The following EVPL variants were observed in gnomAD, a reference collection of about 807,000 sequenced individuals.
EVPL encodes envoplakin.
EVPL carries 94 observed loss-of-function variants against 129.7 expected under a neutral mutation model. The observed-to-expected ratio is 0.72, with a 90% CI of 0.61 to 0.86. The LOEUF (loss-of-function observed/expected upper bound fraction) is 0.86, where lower values mean the gene tolerates loss of function less well. Ranked by LOEUF, EVPL falls within the 40% of genes least tolerant of loss-of-function variation. The pLI, the probability that EVPL is intolerant of heterozygous loss-of-function variation, is 0.00. For missense variants in EVPL, 2,625 were observed against 2,721.1 expected (o/e 0.96, Z 0.79); for synonymous variants, 1,172 against 1,191.1 (o/e 0.98, Z 0.33).
rs2066352481 is a variant in EVPL at position 76,009,236 on chromosome 17, G to A, written c.3969C>T (p.Asp1323=). 6.2e-7 allele frequency: 1 copy of A among 1,607,964 alleles called. No individual in the cohort carries two copies. The change falls in exon 22 of 22, where the codon GAC becomes GAT. Residue 1323 remains aspartate (D), a synonymous_variant. Transcript: ENST00000301607. The surrounding 1 kb of genome is among the most constrained non-coding windows in gnomAD (Gnocchi z 5.9). ...VSKEVVRHEK[D]PVLEKEAERL... ...GCTCTGCTTCTTTCTCCAGCACCGG[G>A]TCCTTCTCGTGGCGCACCACCTCCT...
At chr17:76,014,176 G>C (rs1349919409) in intron 18 of EVPL, among the ~76,000 whole-genome samples, 1 of 152,234 alleles carries the variant, frequency 6.6e-6, no homozygotes, top group Non-Finnish European at 1.5e-5. Context: ...GCAGGGGCTT[G>C]ATGAGCATGA....
Position 76,022,550 on chromosome 17 carries a change from C to T in EVPL, c.481-12G>A, listed in dbSNP as rs1202295414. 10 of 1,595,546 alleles carry T rather than the reference C, an allele frequency of 6.3e-6. No individual in the cohort carries two copies. The highest frequency in any genetic ancestry group is 8.5e-6 in the Non-Finnish European group (10 of 1,172,250). On this transcript the variant is annotated splice_polypyrimidine_tract_variant and intron_variant, in intron 4 of 21. Coordinates refer to ENST00000301607, the MANE Select transcript of EVPL (RefSeq NM_001988.4). This position sits in a 1 kb window ranked among gnomAD's most constrained non-coding sequence, Gnocchi z 5.6. ...GCGCAGACCTGCTTCTGCAGGAGAG[C>T]CGGCGGCTCAGTCCCCAAAGGACCG...
chr17:76,007,914 T>C lies in EVPL; in HGVS notation c.5291A>G (p.His1764Arg), dbSNP rs2066334265. The change falls in exon 22 of 22, where the codon CAT becomes CGT. Residue 1764 changes from histidine to arginine, a missense_variant. Coordinates refer to ENST00000301607, the MANE Select transcript of EVPL (RefSeq NM_001988.4). The surrounding 1 kb of genome is among the most constrained non-coding windows in gnomAD (Gnocchi z 8.8). ...RCRRISKEEYHLYKDGHLPIS... is the reference protein window; with the variant it reads ...RCRRISKEEYRLYKDGHLPIS... ...GGGCAGGTGGCCGTCCTTGTACAGA[T>C]GGTACTCCTCCTTAGAGATGCGCCG... is the stretch of plus-strand genomic sequence containing the variant. The C allele has an allele frequency of 6.2e-7, 1 of 1,614,098 alleles. No individual in the cohort carries two copies. The highest frequency in any genetic ancestry group is 8.5e-7 in the Non-Finnish European group (1 of 1,180,020).
rs2665971 is a variant in EVPL, at chr17:76,013,957, T to C, written c.2373+469A>G. On this transcript the variant is annotated intron_variant, in intron 18 of 21. Transcript: ENST00000301607. The surrounding 1 kb of genome is among the most constrained non-coding windows in gnomAD (Gnocchi z 4.3). ...CCTCCTTTCCCCTGACTGCCATGCC[T>C]TCTGCATGGGACATTTCATCCCTCC... 0.59 allele frequency among the ~76,000 whole-genome samples: 88,936 copies of C among 151,666 alleles called. 26,345 individuals are homozygous for C. Among genetic ancestry groups the C allele is most frequent in the South Asian group, 0.69 (3,323 of 4,800 alleles).
In EVPL at chr17:76,009,490, CCAGGTCGGG is replaced by C; in HGVS notation, c.3706_3714del (p.Pro1236_Leu1238del). On this transcript the variant is annotated inframe_deletion, in exon 22 of 22. Transcript: ENST00000301607. This position sits in a 1 kb window ranked among gnomAD's most constrained non-coding sequence, Gnocchi z 5.9. ...GTGGGCTTCTGGGCCCGCAGGACCT[CCAGGTCGGG>C]CAGCAGCTTCTCCACCTCCTTCTCC... 1 of 1,614,154 alleles carries C rather than the reference CCAGGTCGGG, an allele frequency of 6.2e-7. No individual in the cohort carries two copies. Among genetic ancestry groups the C allele is most frequent in the Non-Finnish European group, 8.5e-7 (1 of 1,180,040 alleles).
Position 76,009,233 on chromosome 17 carries a change from C to G in EVPL, c.3972G>C (p.Pro1324=). Residue 1324 remains proline, a synonymous_variant, in exon 22 of 22, where the codon CCG becomes CCC. Coordinates refer to ENST00000301607, the MANE Select transcript of EVPL (RefSeq NM_001988.4). This position sits in a 1 kb window ranked among gnomAD's most constrained non-coding sequence, Gnocchi z 5.9. The stretch of plus-strand genomic sequence containing the variant: ...GCCGCTCTGCTTCTTTCTCCAGCAC[C>G]GGGTCCTTCTCGTGGCGCACCACCT... The part of the protein sequence containing the change: ...SKEVVRHEKD[P]VLEKEAERLR... 6.2e-7 allele frequency: 1 copy of G among 1,608,298 alleles called. No homozygotes were observed. Among genetic ancestry groups the G allele is most frequent in the East Asian group, 2.2e-5 (1 of 44,864 alleles).
At position 76,017,919 on chromosome 17, in the gene EVPL, C is replaced by T; in HGVS notation, c.1538-8G>A. On this transcript the variant is annotated splice_polypyrimidine_tract_variant and splice_region_variant and intron_variant, in intron 13 of 21. Transcript: ENST00000301607. ...GGTCTGAGCCAGATGGAGCTGGGGG[C>T]AGAGGTGCTGGTGAGGGCCCAGGGC... 2 of 1,613,702 alleles carry T rather than the reference C, an allele frequency of 1.2e-6. No individual in the cohort carries two copies. The highest frequency in any genetic ancestry group is 2.2e-5 in the South Asian group (2 of 91,068).
rs1231088210 is a variant in EVPL, at chr17:76,007,800, G to A, written c.5405C>T (p.Ala1802Val). 2.5e-6 allele frequency: 4 copies of A among 1,611,436 alleles called. No individual in the cohort carries two copies. Among genetic ancestry groups the A allele is most frequent in the Non-Finnish European group, 2.5e-6 (3 of 1,177,970 alleles). ...IGSIISKSPL[A>V]SPAPQSTSFF... ...ACTGGTGCTCTGGGGGGCCGGGGAG[G>A]CGAGCGGGGACTTGGAGATGATAGA... The change falls in exon 22 of 22, where the codon GCC (alanine) becomes GTC (valine). Residue 1802 changes from alanine (A) to valine (V), a missense_variant. This residue lies in a region of EVPL where 1,453 missense variants were observed against 1,511.8 expected (regional missense o/e 0.96). Coordinates refer to ENST00000301607, the MANE Select transcript of EVPL (RefSeq NM_001988.4). The surrounding 1 kb of genome is among the most constrained non-coding windows in gnomAD (Gnocchi z 8.8).
chr17:76,017,597 C>T, intron 14 of EVPL, 142 bp downstream of exon 14: 1 of 1,204,720 alleles, frequency 8.3e-7, no homozygotes, highest in Non-Finnish European at 1.1e-6. Flanking sequence ...GGGGAACCAG[C>T]TTGTCTGAGC....
rs149246710 is a variant in EVPL at position 76,015,457 on chromosome 17, C to T, written c.1882G>A (p.Gly628Arg). The T allele has an allele frequency of 6.2e-6, 10 of 1,612,658 alleles. No individual in the cohort carries two copies. In the African/African-American group the frequency reaches 6.7e-5, roughly 11 times the overall value. Residue 628 changes from glycine to arginine, a missense_variant, in exon 15 of 22, where the codon GGG (glycine) becomes AGG (arginine). Coordinates refer to ENST00000301607, the MANE Select transcript of EVPL (RefSeq NM_001988.4). ...SDVQVLCSLY[G>R]EKAKAALDLE... is the part of the protein sequence containing the mutation. ...TGTCCCCAGAGCACTCACTTCTCCC[C>T]GTAGAGGCTGCACAGAACCTGCACG...
chr17:76,007,426 G>A lies in EVPL; in HGVS notation c.5779C>T (p.Pro1927Ser), dbSNP rs1006916629. 1.2e-6 allele frequency: 2 copies of A among 1,605,654 alleles called. No individual in the cohort carries two copies. The highest frequency in any genetic ancestry group is 1.7e-6 in the Non-Finnish European group (2 of 1,175,708). The change falls in exon 22 of 22, where the codon CCC becomes TCC. Residue 1927 changes from proline to serine, a missense_variant. Transcript: ENST00000301607. This position sits in a 1 kb window ranked among gnomAD's most constrained non-coding sequence, Gnocchi z 8.8. ...AGGTGTGGGAGCACGCTCTCCCGGG[G>A]CATCCAGCCCTTCTGGACGGCCTCG... ...VGEAVQKGWM[P>S]RESVLPHLQV...
At position 76,008,479 on chromosome 17, in the gene EVPL, G is replaced by A. The variant is rs750859177; in HGVS notation, c.4726C>T (p.Arg1576Trp). ...RAETLGRTWS[R>W]EESELQRARD... ...GCCCTCTGCAGCTCGGACTCCTCCC[G>A]GGACCAGGTTCTCCCCAGCGTCTCG... The change falls in exon 22 of 22, where the codon CGG (arginine) becomes TGG (tryptophan). Residue 1576 changes from arginine (R) to tryptophan (W), a missense_variant. Around this residue, in one of 4 missense-constraint regions of EVPL, gnomAD observed 1,453 missense variants for 1,511.8 expected, o/e 0.96. Coordinates refer to ENST00000301607, the MANE Select transcript of EVPL (RefSeq NM_001988.4). The surrounding 1 kb of genome is among the most constrained non-coding windows in gnomAD (Gnocchi z 7.4). The A allele has an allele frequency of 3.0e-5, 48 of 1,598,076 alleles. No homozygotes were observed. The highest frequency in any genetic ancestry group is 1.4e-4 in the East Asian group (6 of 44,364).
At chr17:76,023,923 C>G (rs1157695008) in intron 2 of EVPL, 98 bp downstream of exon 2, 2 of 1,457,072 alleles carry the variant, frequency 1.4e-6, no homozygotes, top group African/African-American at 2.8e-5. Context: ...CCCATCTTCA[C>G]CATCACCAAG....
Position 76,017,734 on chromosome 17 carries a change from C to A in EVPL, c.1710+5G>T. ...CCCAGCCGCCCCTTCCCGCTGCTCA[C>A]CCACCTCATGGCTGTGGATGCGGCC... On this transcript the variant is annotated splice_donor_5th_base_variant and intron_variant, in intron 14 of 21. Transcript: ENST00000301607. 6.2e-7 allele frequency: 1 copy of A among 1,609,268 alleles called. No homozygotes were observed. Among genetic ancestry groups the A allele is most frequent in the Non-Finnish European group, 8.5e-7 (1 of 1,178,040 alleles).
chr17:76,010,860 A>C (rs1000885310), intron 21 of EVPL, among the ~76,000 whole-genome samples: 2 of 152,178 alleles, frequency 1.3e-5, no homozygotes, highest in Non-Finnish European at 2.9e-5. Context: ...CAGGAGTTCG[A>C]GACCAGCCTG....
Position 76,017,735 on chromosome 17 carries a change from C to A in EVPL, c.1710+4G>T. The stretch of plus-strand genomic sequence containing the variant: ...CCAGCCGCCCCTTCCCGCTGCTCAC[C>A]CACCTCATGGCTGTGGATGCGGCCC... On this transcript the variant is annotated splice_donor_region_variant and intron_variant, in intron 14 of 21. Transcript: ENST00000301607. The A allele has an allele frequency of 2.5e-6, 4 of 1,609,520 alleles. No homozygotes were observed. Among genetic ancestry groups the A allele is most frequent in the Non-Finnish European group, 2.5e-6 (3 of 1,178,212 alleles).
chr17:76,024,124 G>A lies in EVPL; in HGVS notation c.99-4C>T. ...GGCCAGCTCCTGGGTGGCAGCCCTAGTGTGTGGAGGGGACAGCGGGTAGCT... is the reference window on the plus strand; with the variant it reads ...GGCCAGCTCCTGGGTGGCAGCCCTAATGTGTGGAGGGGACAGCGGGTAGCT... On this transcript the variant is annotated splice_region_variant and splice_polypyrimidine_tract_variant and intron_variant, in intron 1 of 21. Coordinates refer to ENST00000301607, the MANE Select transcript of EVPL (RefSeq NM_001988.4). This position sits in a 1 kb window ranked among gnomAD's most constrained non-coding sequence, Gnocchi z 4.5. 6.2e-7 allele frequency: 1 copy of A among 1,613,116 alleles called. No homozygotes were observed. Among genetic ancestry groups the A allele is most frequent in the Non-Finnish European group, 8.5e-7 (1 of 1,179,672 alleles).
chr17:76,026,296 G>A (rs1191684087), intron 1 of EVPL, among the ~76,000 whole-genome samples: 1 of 151,024 alleles, frequency 6.6e-6, no homozygotes. Flanking sequence ...CCAGGCGGGA[G>A]CGCAGGGGTG....
chr17:76,013,783 A>G lies in EVPL; in HGVS notation c.2373+643T>C, dbSNP rs891234956. Among the ~76,000 whole-genome samples the G allele has an allele frequency of 6.6e-6, 1 of 151,946 alleles. No individual in the cohort carries two copies. The highest frequency in any genetic ancestry group is 2.4e-5 in the African/African-American group (1 of 41,348). ...TCCCACCCTCTTAGTCATTCTCTAC[A>G]TGGCAGCCAGAGCCAGCTTCTAAAC... On this transcript the variant is annotated intron_variant, in intron 18 of 21. Coordinates refer to ENST00000301607, the MANE Select transcript of EVPL (RefSeq NM_001988.4). This position sits in a 1 kb window ranked among gnomAD's most constrained non-coding sequence, Gnocchi z 4.3.
Sources: allele counts gnomAD v4.1 joint callset (sites outside exome capture counted in the v4.1 genomes callset), GRCh38; gene constraint gnomAD v4.1.1; regional missense constraint gnomAD v4.1.1; non-coding constraint Gnocchi (gnomAD v3.1); transcripts MANE v1.5; gene names NCBI Gene and HGNC (gene_info 2026-07-23, HGNC 2026-07-21).